The following SLC22A15 variants were observed in gnomAD, a reference collection of about 807,000 sequenced individuals.
The protein encoded by SLC22A15 is flipt 1.
SLC22A15 carries 45 observed loss-of-function variants against 62.7 expected under a neutral mutation model. The ratio of observed to expected loss-of-function variants is 0.72; its 90% CI spans 0.56 to 0.92. The LOEUF is 0.92. Among genes scored for constraint, SLC22A15 ranks in the 40% least tolerant of loss-of-function variants. SLC22A15 has a pLI of 0.00. For missense variants in SLC22A15, 622 were observed against 665.6 expected (o/e 0.93, Z 0.72); for synonymous variants, 264 against 267.0 (o/e 0.99, Z 0.11).
chr1:116,003,815 A>T (rs1324688922), intron 2 of SLC22A15, among the ~76,000 whole-genome samples: 2 of 152,200 alleles, frequency 1.3e-5, no homozygotes, highest in Non-Finnish European at 2.9e-5. Context: ...GTGGTTCTTA[A>T]GAAGGTCCTT....
At position 116,019,953 on chromosome 1, in the gene SLC22A15, G is replaced by T. The variant is rs1410211793; in HGVS notation, c.433+239G>T. ...TATTTGTGTTCTAAACCGTTCATAGGTGATGGTGCTTTCTGCAACCCCCAA... is the reference window on the plus strand; with the variant it reads ...TATTTGTGTTCTAAACCGTTCATAGTTGATGGTGCTTTCTGCAACCCCCAA... On this transcript the variant is annotated intron_variant, in intron 3 of 11. Coordinates refer to ENST00000369503, the MANE Select transcript of SLC22A15 (RefSeq NM_018420.3). Among the ~76,000 whole-genome samples the T allele has an allele frequency of 4.6e-5, 7 of 152,146 alleles. 1 individual carries two copies. The South Asian group carries it at 6.2e-4, about 13-fold the overall frequency.
At chr1:115,988,053 C>T (rs890182146) in intron 1 of SLC22A15, among the ~76,000 whole-genome samples, 1 of 152,042 alleles carries the variant, frequency 6.6e-6, no homozygotes, top group East Asian at 1.9e-4. Flanking sequence ...AAATTTCAAT[C>T]CCCTAGTGCA....
intron 8 of SLC22A15, among the ~76,000 whole-genome samples, chr1:116,049,744 C>T (rs984259541): frequency 6.6e-6 from 1 of 151,888 alleles, no homozygotes; most frequent in Non-Finnish European, 1.5e-5. Flanking sequence ...AGGAAATAAC[C>T]AAGATCAGAG....
intron 4 of SLC22A15, 123 bp from the exon 5 acceptor site, chr1:116,026,770 T>TAG: frequency 8.8e-7 from 1 of 1,138,786 alleles, no homozygotes; most frequent in South Asian, 1.8e-5. Flanking sequence ...CTGGTGTGCC[T>TAG]CTTATAGTTG....
intron 4 of SLC22A15, among the ~76,000 whole-genome samples, chr1:116,023,426 C>T (rs1050207010): frequency 5.3e-5 from 8 of 152,250 alleles, no homozygotes; most frequent in African/African-American, 1.9e-4. Context: ...TATATGCACA[C>T]GTCATCAAAC....
chr1:116,060,440 G>T lies in SLC22A15; in HGVS notation c.1172-2322G>T, dbSNP rs377183076. Among the ~76,000 whole-genome samples the T allele has an allele frequency of 2.2e-4, 34 of 152,290 alleles. No homozygotes were observed. The East Asian group carries it at 3.5e-3, about 16-fold the overall frequency. On this transcript the variant is annotated intron_variant, in intron 8 of 11. Coordinates refer to ENST00000369503, the MANE Select transcript of SLC22A15 (RefSeq NM_018420.3). ...TCATGGAAAACTTCATCTAGCTTTG[G>T]ATCTTGTGGGTATTAAGAAGATACA...
intron 1 of SLC22A15, among the ~76,000 whole-genome samples, chr1:115,989,652 G>T (rs1365212392): frequency 6.6e-6 from 1 of 151,912 alleles, no homozygotes; most frequent in Non-Finnish European, 1.5e-5. Flanking sequence ...GCATTGGCAG[G>T]TACCTGTAAT....
In SLC22A15 at chr1:116,067,190, G is replaced by A; in HGVS notation, c.*82G>A. The A allele has an allele frequency of 1.9e-6, 2 of 1,058,784 alleles. No homozygotes were observed. The highest frequency in any genetic ancestry group is 2.9e-6 in the Non-Finnish European group (2 of 701,730). 65.6% of individuals were successfully genotyped at this position (1,058,784 alleles called of 1,614,324 possible). A position where few individuals can be genotyped will look rare whatever the true frequency, so the allele number is the denominator to read the frequency against. On this transcript the variant is annotated 3_prime_UTR_variant, in exon 12 of 12. Transcript: ENST00000369503. ...GCAGGTTCTTCCATGACTCCTAAGA[G>A]AGTTGTAAAAATAGAGGCTTGGCTT... is the stretch of plus-strand genomic sequence containing the variant.
At chr1:116,027,223 C>T (rs565460826) in intron 5 of SLC22A15, 1 of 651,148 alleles carries the variant, frequency 1.5e-6, no homozygotes, top group African/African-American at 1.8e-5. Context: ...GCAGGTATCC[C>T]TTGTTTAAAG....
At chr1:115,978,938 G>C (rs1654461589) in intron 1 of SLC22A15, among the ~76,000 whole-genome samples, 1 of 152,056 alleles carries the variant, frequency 6.6e-6, no homozygotes, top group Non-Finnish European at 1.5e-5. Context: ...CCCAAGGAAG[G>C]GGCAGACCAA....
chr1:116,061,740 G>GA (rs1261555142), intron 8 of SLC22A15, among the ~76,000 whole-genome samples: 2 of 150,338 alleles, frequency 1.3e-5, no homozygotes, highest in African/African-American at 2.4e-5. Context: ...GTTAATAAAG[G>GA]AAAAAAAATA....
chr1:116,031,786 C>G, intron 6 of SLC22A15: 2 of 1,417,738 alleles, frequency 1.4e-6, no homozygotes, highest in Non-Finnish European at 1.8e-6. Context: ...ATGATAGTGC[C>G]TGATGGGCAG....
chr1:116,015,709 G>A (rs180895094), intron 2 of SLC22A15, among the ~76,000 whole-genome samples: 7 of 152,268 alleles, frequency 4.6e-5, no homozygotes, highest in Admixed American at 4.6e-4. Flanking sequence ...GACTAAAGTT[G>A]CAGGCCAGAT....
At chr1:116,004,703 G>A (rs1655890303) in intron 2 of SLC22A15, among the ~76,000 whole-genome samples, 1 of 152,110 alleles carries the variant, frequency 6.6e-6, no homozygotes, top group Non-Finnish European at 1.5e-5. Flanking sequence ...AAATGAATTG[G>A]AAAGTGTTCC....
At chr1:116,024,049 C>A (rs1268233558) in intron 4 of SLC22A15, among the ~76,000 whole-genome samples, 1 of 152,142 alleles carries the variant, frequency 6.6e-6, no homozygotes, top group Non-Finnish European at 1.5e-5. Flanking sequence ...CAGTGGGAAG[C>A]CAGTGGGGCA....
intron 8 of SLC22A15, among the ~76,000 whole-genome samples, chr1:116,050,000 A>C (rs1262293631): frequency 1.3e-5 from 2 of 152,204 alleles, no homozygotes; most frequent in African/African-American, 2.4e-5. Flanking sequence ...ACCTAGGAAG[A>C]GATGGATAAG....
intron 8 of SLC22A15, among the ~76,000 whole-genome samples, chr1:116,039,100 T>C (rs1487113590): frequency 6.6e-6 from 1 of 152,240 alleles, no homozygotes; most frequent in African/African-American, 2.4e-5. Context: ...AGAGAGCAGC[T>C]TGGACCTTTG....
At position 115,992,059 on chromosome 1, in the gene SLC22A15, T is replaced by C. The variant is rs1655165511; in HGVS notation, c.116T>C (p.Ile39Thr). Residue 39 changes from isoleucine to threonine, a missense_variant, in exon 2 of 12, where the codon ATT becomes ACT. By Grantham distance (89) the Ile-to-Thr change is moderately conservative. Coordinates refer to ENST00000369503, the MANE Select transcript of SLC22A15 (RefSeq NM_018420.3). ...QLYVATEAIL[I>T]ALVGATPSYH... is the part of the protein sequence containing the mutation. ...TACGTGGCCACGGAGGCCATCCTCATTGCACTGGTTGGGGCCACGCCATCC... is the reference window on the plus strand; with the variant it reads ...TACGTGGCCACGGAGGCCATCCTCACTGCACTGGTTGGGGCCACGCCATCC... 3.1e-6 allele frequency: 5 copies of C among 1,613,740 alleles called. No homozygotes were observed. The highest frequency in any genetic ancestry group is 1.3e-5 in the African/African-American group (1 of 74,938).
chr1:115,978,141 C>G (rs952314778), intron 1 of SLC22A15, among the ~76,000 whole-genome samples: 12 of 151,958 alleles, frequency 7.9e-5, no homozygotes, highest in African/African-American at 2.9e-4. Flanking sequence ...CCCTTTTTTT[C>G]TGTTCCAGCC....
Sources: allele counts gnomAD v4.1 joint callset (sites outside exome capture counted in the v4.1 genomes callset), GRCh38; gene constraint gnomAD v4.1.1; transcripts MANE v1.5; gene names NCBI Gene and HGNC (gene_info 2026-07-23, HGNC 2026-07-21).